Variants in ASRGL1 observed in about 807,000 individuals in gnomAD.
The protein encoded by ASRGL1 is asparaginase and isoaspartyl peptidase 1.
A neutral mutation model predicts 22.4 loss-of-function variants in ASRGL1; 16 were observed. That is an observed-to-expected ratio of 0.71 (90% CI 0.48 to 1.08). The LOEUF is 1.08. Among genes scored for constraint, ASRGL1 ranks in the 50% least tolerant of loss-of-function variants. ASRGL1 has a pLI of 0.00. For missense variants in ASRGL1, 412 were observed against 410.1 expected (o/e 1.00, Z -0.04); for synonymous variants, 165 against 159.3 (o/e 1.04, Z -0.27).
chr11:62,351,178 T>C (rs1946158201), intron 2 of ASRGL1, among the ~76,000 whole-genome samples: 1 of 152,206 alleles, frequency 6.6e-6, no homozygotes, highest in Non-Finnish European at 1.5e-5. Flanking sequence ...CCTCCCCTGC[T>C]GATCATATAA....
At chr11:62,345,852 A>G (rs572749988) in intron 2 of ASRGL1, among the ~76,000 whole-genome samples, 23 of 152,264 alleles carry the variant, frequency 1.5e-4, no homozygotes, top group South Asian at 4.2e-4. Flanking sequence ...TCACACTCCT[A>G]TGAGAATCTA....
intron 2 of ASRGL1, among the ~76,000 whole-genome samples, chr11:62,346,405 C>T (rs1946022362): frequency 6.6e-6 from 1 of 152,146 alleles, no homozygotes; most frequent in Admixed American, 6.5e-5. Flanking sequence ...CCTAGCAATC[C>T]AAAAGCTCTC....
intron 4 of ASRGL1, chr11:62,382,966 G>A (rs776367856): frequency 2.6e-5 from 4 of 152,244 alleles, no homozygotes; most frequent in Non-Finnish European, 5.9e-5. Context: ...GGTTGGGGTA[G>A]GGTTACAGAT....
chr11:62,368,813 A>T (rs773699512), intron 4 of ASRGL1, among the ~76,000 whole-genome samples: 1 of 152,178 alleles, frequency 6.6e-6, no homozygotes. Context: ...ATGTGCACGT[A>T]TACAAACATC....
intron 4 of ASRGL1, among the ~76,000 whole-genome samples, chr11:62,381,136 G>A (rs1043483464): frequency 1.3e-4 from 20 of 152,002 alleles, no homozygotes; most frequent in Non-Finnish European, 2.8e-4. Context: ...TTGGATTGGC[G>A]TTGCCATGAC....
At chr11:62,374,108 G>A (rs1255778752) in intron 4 of ASRGL1, among the ~76,000 whole-genome samples, 1 of 152,204 alleles carries the variant, frequency 6.6e-6, no homozygotes, top group African/African-American at 2.4e-5. Flanking sequence ...TCCCCTGCCT[G>A]GATCCTGCCT....
intron 6 of ASRGL1, 47 bp downstream of exon 6, chr11:62,391,679 A>G (rs1947342381): frequency 6.5e-7 from 1 of 1,542,960 alleles, no homozygotes; most frequent in Non-Finnish European, 8.8e-7. Context: ...AGATAAGTGC[A>G]TAGAAGGTAT....
At chr11:62,370,896 G>C (rs1018500140) in intron 4 of ASRGL1, among the ~76,000 whole-genome samples, 1 of 152,264 alleles carries the variant, frequency 6.6e-6, no homozygotes, top group East Asian at 1.9e-4. Flanking sequence ...CCTGTGGCCT[G>C]TGTGACATTC....
At chr11:62,376,409 A>T (rs1262214280) in intron 4 of ASRGL1, among the ~76,000 whole-genome samples, 1 of 152,102 alleles carries the variant, frequency 6.6e-6, no homozygotes, top group Non-Finnish European at 1.5e-5. Context: ...TCCAAACAGG[A>T]AGCTGATTTT....
intron 2 of ASRGL1, among the ~76,000 whole-genome samples, chr11:62,341,923 TTTG>T (rs1945872721): frequency 6.6e-6 from 1 of 152,176 alleles, no homozygotes; most frequent in African/African-American, 2.4e-5. Flanking sequence ...GTTTGAAATG[TTTG>T]TTTTTTGGTG....
chr11:62,374,199 G>A (rs1376161656), intron 4 of ASRGL1, among the ~76,000 whole-genome samples: 2 of 152,176 alleles, frequency 1.3e-5, no homozygotes, highest in Non-Finnish European at 2.9e-5. Flanking sequence ...CTTGGCTCTA[G>A]TACCAAATAG....
intron 2 of ASRGL1, among the ~76,000 whole-genome samples, chr11:62,344,789 G>C (rs961091121): frequency 1.3e-5 from 2 of 152,080 alleles, no homozygotes; most frequent in African/African-American, 4.8e-5. Context: ...ATCGACTATA[G>C]TCACTGTTGT....
At chr11:62,337,758 C>T in intron 1 of ASRGL1, 132 bp from the exon 2 acceptor site, 1 of 489,156 alleles carries the variant, frequency 2.0e-6, no homozygotes, top group Non-Finnish European at 3.6e-6. Context: ...AGGTCCGGGC[C>T]GGGGGCGGAG....
intron 4 of ASRGL1, among the ~76,000 whole-genome samples, chr11:62,381,495 A>G (rs146464716): frequency 6.6e-6 from 1 of 152,168 alleles, no homozygotes; most frequent in Non-Finnish European, 1.5e-5. Flanking sequence ...CTGAAACGCT[A>G]TCTTCTCCTG....
intron 2 of ASRGL1, among the ~76,000 whole-genome samples, chr11:62,345,775 C>G (rs1259542943): frequency 4.6e-5 from 7 of 152,130 alleles, no homozygotes; most frequent in Admixed American, 2.6e-4. Flanking sequence ...TTTTTGGCAC[C>G]AGGGACCAGT....
At chr11:62,389,665 C>G in intron 5 of ASRGL1, 1 of 334,180 alleles carries the variant, frequency 3.0e-6, no homozygotes, top group Non-Finnish European at 5.9e-6. Flanking sequence ...GTTGTTAGAT[C>G]TGAGCAGCAT....
At chr11:62,372,892 G>A in intron 4 of ASRGL1, 1 of 1,595,192 alleles carries the variant, frequency 6.3e-7, no homozygotes, top group South Asian at 1.1e-5. Flanking sequence ...GACCTCTGCA[G>A]CTGGAGAATC....
intron 2 of ASRGL1, among the ~76,000 whole-genome samples, chr11:62,353,604 G>A (rs1946215129): frequency 6.6e-6 from 1 of 151,998 alleles, no homozygotes; most frequent in South Asian, 2.1e-4. Flanking sequence ...CCAAAGTGCT[G>A]GGATTACAAA....
chr11:62,395,637 G>A (rs1947423162), downstream of ASRGL1, among the ~76,000 whole-genome samples: 1 of 152,026 alleles, frequency 6.6e-6, no homozygotes, highest in Non-Finnish European at 1.5e-5. Flanking sequence ...AGGTGATGGT[G>A]TGTGGGGAAG....
Sources: allele counts gnomAD v4.1 joint callset (sites outside exome capture counted in the v4.1 genomes callset), GRCh38; gene constraint gnomAD v4.1.1; transcripts MANE v1.5; gene names NCBI Gene and HGNC (gene_info 2026-07-23, HGNC 2026-07-21).